FRYL: variants seen among roughly 807,000 people sequenced by gnomAD.
FRYL encodes protein furry homolog-like.
Under a neutral mutation model 351.2 loss-of-function variants are expected in FRYL, and 150 were observed. The ratio of observed to expected loss-of-function variants is 0.43; its 90% CI spans 0.37 to 0.49. The LOEUF is 0.49. Among genes scored for constraint, FRYL ranks in the 20% least tolerant of loss-of-function variants. FRYL has a pLI of 0.00. For missense variants in FRYL, 3,036 were observed against 3,619.3 expected (o/e 0.84, Z 4.13); for synonymous variants, 1,153 against 1,257.1 (o/e 0.92, Z 1.75).
intron 27 of FRYL, among the ~76,000 whole-genome samples, chr4:48,570,269 G>A (rs1738002314): frequency 6.6e-6 from 1 of 152,162 alleles, no homozygotes. Context: ...AAGGGGCTGG[G>A]CTTAGTGTGA....
At chr4:48,727,310 A>T (rs1446243851) in intron 1 of FRYL, 1 of 152,178 alleles carries the variant, frequency 6.6e-6, no homozygotes, top group Non-Finnish European at 1.5e-5. Context: ...ACAAATTGAA[A>T]AAACAACAAC....
chr4:48,653,965 A>C lies in FRYL; in HGVS notation c.-80-19475T>G, dbSNP rs980160275. The C allele has an allele frequency of 8.5e-6, 10 of 1,172,076 alleles. No homozygotes were observed. The Admixed American group carries it at 3.7e-4, about 43-fold the overall frequency. The allele number at this position is 1,172,076 out of a possible 1,614,324, so 72.6% of individuals were successfully genotyped here. On this transcript the variant is annotated intron_variant, in intron 3 of 63. Coordinates refer to ENST00000358350, the MANE Select transcript of FRYL (RefSeq NM_015030.2). ...TTACCATGCAGTCTTGCAGTGACGC[A>C]CAACTATAGTGGAAATGCCGCTGAA... is the stretch of plus-strand genomic sequence containing the variant.
intron 44 of FRYL, 31 bp from the exon 45 acceptor site, chr4:48,542,152 T>A: frequency 6.8e-7 from 1 of 1,479,736 alleles, no homozygotes; most frequent in Non-Finnish European, 9.5e-7. Flanking sequence ...TTTAATTAAT[T>A]ATGCTCTGGA....
At chr4:48,755,791 AC>A (rs1341314250) in intron 1 of FRYL, among the ~76,000 whole-genome samples, 1 of 152,212 alleles carries the variant, frequency 6.6e-6, no homozygotes, top group Non-Finnish European at 1.5e-5. Context: ...AATAAAAAAA[AC>A]AGTATGTATC....
intron 49 of FRYL, among the ~76,000 whole-genome samples, chr4:48,534,193 T>C (rs2148896291): frequency 6.6e-6 from 1 of 152,278 alleles, no homozygotes; most frequent in African/African-American, 2.4e-5. Flanking sequence ...GCCACTGCAC[T>C]CCAGCCTGGG....
chr4:48,742,491 C>G (rs1260262352), intron 1 of FRYL, among the ~76,000 whole-genome samples: 1 of 152,152 alleles, frequency 6.6e-6, no homozygotes, highest in African/African-American at 2.4e-5. Context: ...TCTTTTCTAT[C>G]TATACTCCAA....
intron 56 of FRYL, among the ~76,000 whole-genome samples, chr4:48,514,679 C>A (rs148502427): frequency 5.6e-4 from 85 of 152,288 alleles, no homozygotes; most frequent in African/African-American, 2.0e-3. Context: ...TGTGGTATCA[C>A]GGAAGTTCAT....
At chr4:48,726,447 C>T (rs1274487415) in intron 1 of FRYL, among the ~76,000 whole-genome samples, 5 of 152,092 alleles carry the variant, frequency 3.3e-5, no homozygotes, top group East Asian at 1.9e-4. Flanking sequence ...TTTGGGAGGC[C>T]GAGGTGGGTG....
At position 48,765,481 on chromosome 4, in the gene FRYL, C is replaced by T. The variant is rs184687632; in HGVS notation, c.-384+14597G>A. ...AATGAAATTGGATCCTTATATTGCACATACACATATATCAATTCAAAATGG... is the reference window on the plus strand; with the variant it reads ...AATGAAATTGGATCCTTATATTGCATATACACATATATCAATTCAAAATGG... On this transcript the variant is annotated intron_variant, in intron 1 of 63. Coordinates refer to ENST00000358350, the MANE Select transcript of FRYL (RefSeq NM_015030.2). Among the ~76,000 whole-genome samples, 54 of 152,278 alleles carry T rather than the reference C, an allele frequency of 3.5e-4. 1 individual carries two copies. Among genetic ancestry groups the T allele is most frequent in the African/African-American group, 1.3e-3 (54 of 41,550 alleles).
chr4:48,500,797 A>G (rs1232653753), intron 62 of FRYL, among the ~76,000 whole-genome samples: 2 of 152,190 alleles, frequency 1.3e-5, no homozygotes, highest in Non-Finnish European at 2.9e-5. Context: ...AAACTGTAAC[A>G]ATGTGGGCTG....
chr4:48,681,172 G>A, intron 3 of FRYL: 2 of 881,284 alleles, frequency 2.3e-6, no homozygotes, highest in Non-Finnish European at 2.9e-6. Context: ...ACAGAAAGGT[G>A]CCTATACCAA....
intron 45 of FRYL, 118 bp downstream of exon 45, chr4:48,541,907 ATC>A (rs781069388): frequency 1.0e-5 from 7 of 689,722 alleles, no homozygotes; most frequent in Non-Finnish European, 1.8e-5. Flanking sequence ...CCCACTGGTA[ATC>A]CATCTAATTT....
chr4:48,683,013 C>A (rs1454488391), intron 3 of FRYL, among the ~76,000 whole-genome samples: 1 of 152,056 alleles, frequency 6.6e-6, no homozygotes, highest in Non-Finnish European at 1.5e-5. Flanking sequence ...GACTTGGAAC[C>A]AACCCAAATG....
At position 48,570,678 on chromosome 4, in the gene FRYL, T is replaced by C. The variant is rs1166026212; in HGVS notation, c.2996+149A>G. ...GCTACTGGTCAGTGTATCGAATGCA[T>C]ATTTATTTGTTAAATAATTTTCACA... On this transcript the variant is annotated intron_variant, in intron 27 of 63. Transcript: ENST00000358350. The C allele has an allele frequency of 8.9e-6, 5 of 563,190 alleles. No homozygotes were observed. In the Admixed American group the frequency reaches 1.2e-4, roughly 14 times the overall value. 34.9% of individuals were successfully genotyped at this position (563,190 alleles called of 1,614,324 possible). A position where few individuals can be genotyped will look rare whatever the true frequency, so the allele number is the denominator to read the frequency against.
At chr4:48,511,742 TGA>T (rs1025593213) in intron 57 of FRYL, among the ~76,000 whole-genome samples, 1 of 152,106 alleles carries the variant, frequency 6.6e-6, no homozygotes, top group Non-Finnish European at 1.5e-5. Flanking sequence ...ACTTCCAGGA[TGA>T]GAGAGACTGG....
chr4:48,538,470 T>C (rs994953354), intron 47 of FRYL, among the ~76,000 whole-genome samples: 3 of 152,192 alleles, frequency 2.0e-5, no homozygotes, highest in African/African-American at 7.2e-5. Context: ...TTAATGCTAA[T>C]GGGATTCATT....
rs747007111 is a variant in FRYL at position 48,544,848 on chromosome 4, T to C, written c.5336A>G (p.Lys1779Arg). 2.6e-5 allele frequency: 42 copies of C among 1,610,422 alleles called. No individual in the cohort carries two copies. The South Asian group carries it at 4.5e-4, about 17-fold the overall frequency. ...AAATGTAGTTAACTGTTCAGCACTC[T>C]TTATGCTAGGATTCTTGGCAGAAAC... ...EDVSAKNPSI[K>R]SAEQLTTFLK... The change falls in exon 43 of 64, where the codon AAG becomes AGG. Residue 1779 changes from lysine (K) to arginine (R), a missense_variant. Lys to Arg is a conservative substitution (Grantham distance 26). Coordinates refer to ENST00000358350, the MANE Select transcript of FRYL (RefSeq NM_015030.2).
In FRYL at chr4:48,497,777, TAC is replaced by T. The variant is rs1034183626; in HGVS notation, c.*1643_*1644del. 1 of 152,594 alleles carries T rather than the reference TAC, an allele frequency of 6.6e-6. No homozygotes were observed. Among genetic ancestry groups the T allele is most frequent in the Admixed American group, 6.6e-5 (1 of 15,262 alleles). The allele number at this position is 152,594 out of a possible 1,614,324, so 9.5% of individuals were successfully genotyped here. ...AATTGTCTTTATCAGGGTCAAAAAA[TAC>T]AGTGATTATGAATGAGCTGTGACCA... is the stretch of plus-strand genomic sequence containing the variant. On this transcript the variant is annotated 3_prime_UTR_variant, in exon 64 of 64. Coordinates refer to ENST00000358350, the MANE Select transcript of FRYL (RefSeq NM_015030.2).
chr4:48,676,482 G>A (rs184834315), intron 3 of FRYL, among the ~76,000 whole-genome samples: 2 of 152,148 alleles, frequency 1.3e-5, no homozygotes, highest in East Asian at 1.9e-4. Flanking sequence ...CACCAATTCC[G>A]GGGACACTCC....
Sources: gnomAD v4.1 joint callset for allele counts (sites outside exome capture counted in the v4.1 genomes callset) on GRCh38, gnomAD v4.1.1 for gene constraint, MANE v1.5 for transcripts, NCBI Gene and HGNC (gene_info 2026-07-23, HGNC 2026-07-21) for gene names.